The following TENM2 variants were observed in gnomAD, a reference collection of about 807,000 sequenced individuals.
The protein encoded by TENM2 is teneurin transmembrane protein 2, also known as teneurin-2.
Under a neutral mutation model 245.2 loss-of-function variants are expected in TENM2, and 52 were observed. The observed-to-expected ratio is 0.21, with a 90% CI of 0.17 to 0.27. The LOEUF (loss-of-function observed/expected upper bound fraction) is 0.27, where lower values mean the gene tolerates loss of function less well. TENM2 is among the 10% of genes least tolerant of loss of function. The pLI, the probability that TENM2 is intolerant of heterozygous loss-of-function variation, is 1.00. For synonymous variants in TENM2, 1,363 were observed against 1,438.9 expected (o/e 0.95, Z 1.19); for missense variants, 3,046 against 3,666.8 (o/e 0.83, Z 4.37).
In TENM2 at chr5:167,468,350, A is replaced by G. The variant is rs548351702; in HGVS notation, c.502+92877A>G. On this transcript the variant is annotated intron_variant, in intron 2 of 28. Coordinates refer to ENST00000518659, the Ensembl canonical transcript of TENM2. ...TAATATTAGTCTACTTTGCAACACT[A>G]GAATGTCTGTGCATGCTACTCTTAG... Among the ~76,000 whole-genome samples the G allele has an allele frequency of 4.6e-5, 7 of 152,318 alleles. No individual in the cohort carries two copies. The South Asian group carries it at 1.5e-3, about 32-fold the overall frequency.
the TENM2 span, among the ~76,000 whole-genome samples, chr5:167,181,502 GTA>G: frequency 4.2e-5 from 6 of 144,004 alleles, no homozygotes; most frequent in African/African-American, 1.3e-4. Context: ...GTGTGTGTGT[GTA>G]TGTGTATTTT....
chr5:167,562,589 C>A (rs1476342427), intron 2 of TENM2, among the ~76,000 whole-genome samples: 1 of 152,110 alleles, frequency 6.6e-6, no homozygotes, highest in African/African-American at 2.4e-5. Flanking sequence ...TAAGATGGAC[C>A]TTTTCTCCTG....
At chr5:168,193,528 C>T (rs1761132679) in intron 14 of TENM2, among the ~76,000 whole-genome samples, 1 of 152,144 alleles carries the variant, frequency 6.6e-6, no homozygotes, top group Non-Finnish European at 1.5e-5. Context: ...GATAGGAAGC[C>T]AGCAGCAAGG....
At chr5:167,031,461 A>G in the TENM2 span, among the ~76,000 whole-genome samples, 1 of 152,230 alleles carries the variant, frequency 6.6e-6, no homozygotes, top group African/African-American at 2.4e-5. Context: ...GAAATAGGAC[A>G]ACTTCATGGA....
chr5:167,087,793 C>T, the TENM2 span, among the ~76,000 whole-genome samples: 761 of 143,818 alleles, frequency 5.3e-3, 7 homozygotes, highest in African/African-American at 0.018. Flanking sequence ...CAATATCTCT[C>T]TTTTTTTTTT....
rs539024706 is a variant in TENM2 at position 167,380,771 on chromosome 5, C to G, written c.502+5298C>G. 5.3e-5 allele frequency among the ~76,000 whole-genome samples: 8 copies of G among 152,262 alleles called. No homozygotes were observed. In the East Asian group the frequency reaches 1.5e-3, roughly 29 times the overall value. ...TGAGTTCCTGATATCAGTACTTTAA[C>G]TTCAGTTGAGTTGCTCTTTTTACTG... On this transcript the variant is annotated intron_variant, in intron 2 of 28. Transcript: ENST00000518659.
At chr5:167,021,568 T>C in the TENM2 span, among the ~76,000 whole-genome samples, 1 of 152,232 alleles carries the variant, frequency 6.6e-6, no homozygotes, top group Non-Finnish European at 1.5e-5. Flanking sequence ...TTTTTATCTA[T>C]GCATGTCCAA....
At chr5:166,990,433 A>G in the TENM2 span, among the ~76,000 whole-genome samples, 1 of 152,204 alleles carries the variant, frequency 6.6e-6, no homozygotes, top group Non-Finnish European at 1.5e-5. Context: ...GTTATTAATA[A>G]TGACAAAGAT....
At position 167,561,375 on chromosome 5, in the gene TENM2, A is replaced by G. The variant is rs79161096; in HGVS notation, c.502+185902A>G. 3.1e-3 allele frequency among the ~76,000 whole-genome samples: 479 copies of G among 152,324 alleles called. 1 individual carries two copies. Among genetic ancestry groups the G allele is most frequent in the African/African-American group, 0.011 (462 of 41,564 alleles). On this transcript the variant is annotated intron_variant, in intron 2 of 28. Transcript: ENST00000518659. ...GGAGCCCAAGGTCATTGTATAAATA[A>G]CATTCTGGTTCCCCTATTAATTTCA...
intron 2 of TENM2, among the ~76,000 whole-genome samples, chr5:167,655,182 C>T (rs1018809712): frequency 6.6e-6 from 1 of 152,074 alleles, no homozygotes; most frequent in African/African-American, 2.4e-5. Flanking sequence ...AGAATCAAAT[C>T]AATGAACAGG....
the TENM2 span, among the ~76,000 whole-genome samples, chr5:167,238,697 A>T: frequency 6.7e-6 from 1 of 149,768 alleles, no homozygotes; most frequent in Non-Finnish European, 1.5e-5. Flanking sequence ...GGAGATGCAA[A>T]AAAAAAAAAA....
In TENM2 at chr5:167,844,601, G is replaced by A. The variant is rs543148486; in HGVS notation, c.503-31385G>A. On this transcript the variant is annotated intron_variant, in intron 2 of 28. Transcript: ENST00000518659. ...TTTGTAAATGGCTTTTAAATTGGGGGACAAAAGGGGAAGTGGTGCACCTGC... is the reference window on the plus strand; with the variant it reads ...TTTGTAAATGGCTTTTAAATTGGGGAACAAAAGGGGAAGTGGTGCACCTGC... Among the ~76,000 whole-genome samples, 69 of 152,232 alleles carry A rather than the reference G, an allele frequency of 4.5e-4. 1 individual carries two copies. The highest frequency in any genetic ancestry group is 3.4e-3 in the Middle Eastern group (1 of 294).
intron 2 of TENM2, among the ~76,000 whole-genome samples, chr5:167,577,786 C>T (rs1020656291): frequency 1.3e-5 from 2 of 152,052 alleles, no homozygotes; most frequent in African/African-American, 4.8e-5. Context: ...AATTGCACCC[C>T]TAACAACAAC....
intron 23 of TENM2, 42 bp downstream of exon 25, chr5:168,219,041 G>T (rs548734813): frequency 3.8e-6 from 6 of 1,573,336 alleles, no homozygotes; most frequent in South Asian, 3.5e-5. Context: ...CCCTTCCCTT[G>T]CCCTAGCTGG....
At chr5:167,148,934 T>G in the TENM2 span, among the ~76,000 whole-genome samples, 2 of 152,186 alleles carry the variant, frequency 1.3e-5, no homozygotes, top group Non-Finnish European at 2.9e-5. Flanking sequence ...CTTGTGAGTA[T>G]CTTGACAAAT....
rs748698570 is a variant in TENM2, at chr5:167,609,289, A to C, written c.502+233816A>C. Reference sequence around the variant, plus strand: ...ACAAGTAGAGTCGCATTTCTTGCCTATGCCTGTTGACTCAAGTCCACAATA... The same window carrying C: ...ACAAGTAGAGTCGCATTTCTTGCCTCTGCCTGTTGACTCAAGTCCACAATA... On this transcript the variant is annotated intron_variant, in intron 2 of 28. Transcript: ENST00000518659. Among the ~76,000 whole-genome samples, 2 of 152,058 alleles carry C rather than the reference A, an allele frequency of 1.3e-5. 1 individual carries two copies. The highest frequency in any genetic ancestry group is 2.9e-5 in the Non-Finnish European group (2 of 68,010).
chr5:167,306,320 C>CGAG (rs1755673412), intron 1 of TENM2: 1 of 152,186 alleles, frequency 6.6e-6, no homozygotes, highest in Non-Finnish European at 1.5e-5. Flanking sequence ...TACTTTATCT[C>CGAG]AAACCAGATG....
At position 168,238,268 on chromosome 5, in the gene TENM2, A is replaced by AGAAAAGAAAG. The variant is rs1554230376; in HGVS notation, c.5521-6143_5521-6142insGGAAAAGAAA. ...AGAAAAGAAAAGAAAAGAAAAGAAA[A>AGAAAAGAAAG]GAAAAGAAAAGAAAAGAAAAGAAAA... On this transcript the variant is annotated intron_variant, in intron 25 of 28. Coordinates refer to ENST00000518659, the Ensembl canonical transcript of TENM2. 8.7e-3 allele frequency among the ~76,000 whole-genome samples: 1,053 copies of AGAAAAGAAAG among 120,748 alleles called. 160 individuals carry two copies. Among genetic ancestry groups the AGAAAAGAAAG allele is most frequent in the East Asian group, 0.079 (206 of 2,604 alleles). The allele number at this position is 120,748 out of a possible 152,430, so 79.2% of individuals were successfully genotyped here. A position where few individuals can be genotyped will look rare whatever the true frequency, so the allele number is the denominator to read the frequency against.
At chr5:167,038,779 T>TAA in the TENM2 span, among the ~76,000 whole-genome samples, 3 of 152,190 alleles carry the variant, frequency 2.0e-5, no homozygotes, top group Non-Finnish European at 4.4e-5. Flanking sequence ...ATTAAGAATA[T>TAA]AAAGTCAGTG....
Sources: allele counts gnomAD v4.1 joint callset (sites outside exome capture counted in the v4.1 genomes callset), GRCh38; gene constraint gnomAD v4.1.1; transcripts MANE v1.5; gene names NCBI Gene and HGNC (gene_info 2026-07-23, HGNC 2026-07-21).